Variants in SEMA6D observed in about 807,000 individuals in gnomAD.
SEMA6D encodes the protein semaphorin-6D.
A neutral mutation model predicts 106.6 loss-of-function variants in SEMA6D; 35 were observed. The ratio of observed to expected loss-of-function variants is 0.33; its 90% CI spans 0.25 to 0.44. The LOEUF (loss-of-function observed/expected upper bound fraction) is 0.44. Among genes scored for constraint, SEMA6D ranks in the 20% least tolerant of loss-of-function variants. The pLI, the probability that SEMA6D is intolerant of heterozygous loss-of-function variation, is 1.00. For missense variants in SEMA6D, 1,185 were observed against 1,345.9 expected (o/e 0.88, Z 1.87); for synonymous variants, 499 against 487.7 (o/e 1.02, Z -0.31).
chr15:47,412,582 A>C (rs752692699), intron 2 of SEMA6D: 1 of 152,266 alleles, frequency 6.6e-6, no homozygotes, highest in Non-Finnish European at 1.5e-5. Context: ...TGATCAGTAA[A>C]GATCTCTGCT....
Position 47,601,434 on chromosome 15 carries a change from C to T in SEMA6D, c.-55+538C>T, listed in dbSNP as rs144903359. 7.0e-3 allele frequency among the ~76,000 whole-genome samples: 1,065 copies of T among 152,246 alleles called. 5 individuals carry two copies. Among genetic ancestry groups the T allele is most frequent in the Admixed American group, 0.019 (283 of 15,274 alleles). Reference sequence around the variant, plus strand: ...AGGATGTGTTAATCACATTAAATAACATAATAGGGATCCTTTTTTATTTCA... The same window carrying T: ...AGGATGTGTTAATCACATTAAATAATATAATAGGGATCCTTTTTTATTTCA... On this transcript the variant is annotated intron_variant, in intron 4 of 19. Transcript: ENST00000558014.
chr15:47,723,498 T>G (rs1272220370), intron 1 of SEMA6D, among the ~76,000 whole-genome samples: 1 of 152,180 alleles, frequency 6.6e-6, no homozygotes, highest in Non-Finnish European at 1.5e-5. Context: ...ATGGGCCCCA[T>G]CAGCAAAGAC....
chr15:47,296,503 C>T (rs1478362015), intron 1 of SEMA6D, among the ~76,000 whole-genome samples: 1 of 152,202 alleles, frequency 6.6e-6, no homozygotes, highest in African/African-American at 2.4e-5. Context: ...TATACATTTT[C>T]TTATTCATTG....
intron 1 of SEMA6D, among the ~76,000 whole-genome samples, chr15:47,209,713 G>T (rs1452534976): frequency 6.6e-6 from 1 of 152,130 alleles, no homozygotes; most frequent in East Asian, 1.9e-4. Flanking sequence ...GCCTCTCCAG[G>T]TCTGCTGTGT....
rs139623234 is a variant in SEMA6D at position 47,298,586 on chromosome 15, G to A, written c.-238-113807G>A. ...TCATTGTGTTCTTATTCGCCCAGTG[G>A]TAAAATGACCCATTACGTCTGTGCA... is the stretch of plus-strand genomic sequence containing the variant. On this transcript the variant is annotated intron_variant, in intron 1 of 19. Coordinates refer to the SEMA6D transcript ENST00000558014. 1.9e-3 allele frequency among the ~76,000 whole-genome samples: 287 copies of A among 152,198 alleles called. 3 individuals are homozygous for A. The highest frequency in any genetic ancestry group is 0.015 in the South Asian group (70 of 4,818).
chr15:47,367,688 GCGCGCACACA>G (rs1302902285), intron 1 of SEMA6D, among the ~76,000 whole-genome samples: 809 of 44,224 alleles, frequency 0.018, 3 homozygotes, highest in South Asian at 0.093. Context: ...ACGCGCGCGC[GCGCGCACACA>G]CACACACACA....
At chr15:47,254,693 A>AT (rs1240297933) in intron 1 of SEMA6D, among the ~76,000 whole-genome samples, 1 of 151,920 alleles carries the variant, frequency 6.6e-6, no homozygotes, top group Non-Finnish European at 1.5e-5. Flanking sequence ...TTTTGCTTTG[A>AT]TTCTGTGAAT....
chr15:47,749,056 T>C (rs1486547929), intron 1 of SEMA6D, among the ~76,000 whole-genome samples: 3 of 148,026 alleles, frequency 2.0e-5, no homozygotes, highest in African/African-American at 7.5e-5. Context: ...ATAACAATAA[T>C]AATAGTTGTA....
At chr15:47,625,469 G>A (rs934336318) in intron 4 of SEMA6D, among the ~76,000 whole-genome samples, 3 of 152,198 alleles carry the variant, frequency 2.0e-5, no homozygotes, top group African/African-American at 4.8e-5. Flanking sequence ...GGGTGCGATG[G>A]CACATGCCTG....
intron 1 of SEMA6D, among the ~76,000 whole-genome samples, chr15:47,403,103 A>G (rs1259165872): frequency 1.3e-5 from 2 of 152,182 alleles, no homozygotes; most frequent in Non-Finnish European, 2.9e-5. Flanking sequence ...CTTGCAGTCC[A>G]CCTGAGGAAG....
At chr15:47,474,392 A>G (rs529956285) in intron 3 of SEMA6D, among the ~76,000 whole-genome samples, 12 of 152,294 alleles carry the variant, frequency 7.9e-5, no homozygotes, top group African/African-American at 2.9e-4. Context: ...TTTTTCTATT[A>G]TACCATGAAA....
chr15:47,630,035 T>C (rs2077266728), intron 4 of SEMA6D, among the ~76,000 whole-genome samples: 1 of 151,930 alleles, frequency 6.6e-6, no homozygotes, highest in African/African-American at 2.4e-5. Context: ...CATTTTGATA[T>C]ACTGATTTCT....
At chr15:47,463,183 A>C (rs1036636461) in intron 2 of SEMA6D, among the ~76,000 whole-genome samples, 9 of 152,158 alleles carry the variant, frequency 5.9e-5, no homozygotes, top group Non-Finnish European at 1.5e-5. Context: ...CAATATTTTC[A>C]ATTGCAAGCT....
chr15:47,554,811 C>T (rs560176517), intron 3 of SEMA6D, among the ~76,000 whole-genome samples: 11 of 152,090 alleles, frequency 7.2e-5, no homozygotes, highest in Admixed American at 5.2e-4. Flanking sequence ...TCTAATAAGC[C>T]CACTGTGAGG....
intron 3 of SEMA6D, among the ~76,000 whole-genome samples, chr15:47,522,568 G>GT (rs2044621776): frequency 1.3e-5 from 2 of 152,146 alleles, no homozygotes; most frequent in African/African-American, 4.8e-5. Context: ...AGTTTTTAAT[G>GT]TTTTATTTCC....
At chr15:47,558,129 T>C (rs10519129) in intron 3 of SEMA6D, among the ~76,000 whole-genome samples, 69,594 of 151,948 alleles carry the variant, frequency 0.46, 16,957 homozygotes, top group Non-Finnish European at 0.55. Flanking sequence ...AAAGGTACAA[T>C]CGTGGTAGAT....
At chr15:47,649,968 C>T (rs539675563) in intron 4 of SEMA6D, among the ~76,000 whole-genome samples, 16 of 152,124 alleles carry the variant, frequency 1.1e-4, no homozygotes, top group Non-Finnish European at 2.1e-4. Context: ...CTTACTATCT[C>T]GAGGGAATAA....
chr15:47,681,006 G>A (rs79923621), intron 4 of SEMA6D, among the ~76,000 whole-genome samples: 5,943 of 152,220 alleles, frequency 0.039, 370 homozygotes, highest in African/African-American at 0.14. Context: ...TGTTGTTGCC[G>A]CTATGGAAAA....
At chr15:47,632,371 A>G (rs1367554853) in intron 4 of SEMA6D, among the ~76,000 whole-genome samples, 1 of 151,820 alleles carries the variant, frequency 6.6e-6, no homozygotes, top group Non-Finnish European at 1.5e-5. Context: ...TTGATTTTCT[A>G]TTAGTCCTGT....
Sources: allele counts gnomAD v4.1 joint callset (sites outside exome capture counted in the v4.1 genomes callset), GRCh38; gene constraint gnomAD v4.1.1; transcripts MANE v1.5; gene names NCBI Gene and HGNC (gene_info 2026-07-23, HGNC 2026-07-21).